Variants in RBM26 observed in about 807,000 individuals in gnomAD.
The protein encoded by RBM26 is RNA-binding protein 26.
RBM26 carries 30 observed loss-of-function variants against 123.6 expected under a neutral mutation model. The ratio of observed to expected loss-of-function variants is 0.24; its 90% CI spans 0.18 to 0.33. RBM26 has a LOEUF of 0.33. RBM26 is among the 10% of genes least tolerant of loss of function. The probability of loss-of-function intolerance (pLI) is 1.00; values close to 1 mark genes in which losing one functional copy is unlikely to be tolerated. For missense variants in RBM26, 947 were observed against 1,203.6 expected, an observed-to-expected ratio of 0.79 and a Z score of 3.15; for synonymous variants, 400 against 404.4, an observed-to-expected ratio of 0.99 and a Z score of 0.13.
In RBM26 at chr13:79,342,874, TATTATC is replaced by T. The variant is rs546211784; in HGVS notation, c.2260-49_2260-44del. On this transcript the variant is annotated intron_variant, in intron 16 of 21. Coordinates refer to ENST00000438737, the MANE Select transcript of RBM26 (RefSeq NM_001366735.2). The stretch of plus-strand genomic sequence containing the variant: ...AGAGAAAAATAAAGCTAATTACTCC[TATTATC>T]ATTAACAAAACAAACACTGCAAAGT... 474 of 1,227,688 alleles carry T rather than the reference TATTATC, an allele frequency of 3.9e-4. No homozygotes were observed. The African/African-American group carries it at 6.4e-3, about 17-fold the overall frequency. The allele number at this position is 1,227,688 out of a possible 1,614,324, so 76.0% of individuals were successfully genotyped here. A position where few individuals can be genotyped will look rare whatever the true frequency, so the allele number is the denominator to read the frequency against.
At chr13:79,362,430 C>T (rs1005443265) in intron 9 of RBM26, among the ~76,000 whole-genome samples, 1 of 152,142 alleles carries the variant, frequency 6.6e-6, no homozygotes, top group African/African-American at 2.4e-5. Flanking sequence ...AGCCTCTTAC[C>T]TCCCTCTACA....
chr13:79,370,574 T>C (rs927840928), intron 5 of RBM26, among the ~76,000 whole-genome samples: 1 of 152,230 alleles, frequency 6.6e-6, no homozygotes, highest in East Asian at 1.9e-4. Flanking sequence ...TGTGTGGACA[T>C]ACACTTTCAT....
At chr13:79,354,246 T>C (rs765424388) in intron 13 of RBM26, among the ~76,000 whole-genome samples, 193 bp downstream of exon 13, 15 of 150,442 alleles carry the variant, frequency 1.0e-4, no homozygotes, top group Non-Finnish European at 7.4e-5. Context: ...ATAGGAAAAG[T>C]AGAGACTGAG....
intron 3 of RBM26, among the ~76,000 whole-genome samples, chr13:79,375,635 A>C (rs2076610891): frequency 6.6e-6 from 1 of 152,146 alleles, no homozygotes; most frequent in African/African-American, 2.4e-5. Flanking sequence ...TAGGTATGAA[A>C]TAGGTTCAGT....
At chr13:79,341,265 T>TCCTTCTGCATCTAAAAAATAGTA in intron 17 of RBM26, 38 bp from the exon 18 acceptor site, 3 of 1,296,510 alleles carry the variant, frequency 2.3e-6, no homozygotes, top group South Asian at 1.2e-5. Context: ...TGACAGTAAT[T>TCCTTCTGCATCTAAAAAATAGTA]ACTATCCTGT....
At position 79,337,231 on chromosome 13, in the gene RBM26, A is replaced by G; in HGVS notation, c.2604T>C (p.His868=). The stretch of plus-strand genomic sequence containing the variant: ...CTCGCCCTCGCCCCCTGCCTCGGCC[A>G]TGAACTGCACCTCGACCTCTTGAAT... The part of the protein sequence containing the change: ...GIHSRGRGAV[H]GRGRGRGRGR... The change falls in exon 19 of 22, where the codon CAT becomes CAC. Residue 868 remains histidine (H), a synonymous_variant. Transcript: ENST00000438737. 1 of 1,614,154 alleles carries G rather than the reference A, an allele frequency of 6.2e-7. No individual in the cohort carries two copies. The highest frequency in any genetic ancestry group is 2.2e-5 in the East Asian group (1 of 44,874).
At chr13:79,315,396 G>T (rs1220922781), downstream of RBM26, among the ~76,000 whole-genome samples, 2 of 151,826 alleles carry the variant, frequency 1.3e-5, no homozygotes, top group African/African-American at 4.8e-5. Flanking sequence ...GTTTCCCAAA[G>T]ATTTCAAAGT....
exon 5 of RBM26, chr13:79,313,769 T>G (rs933613409): frequency 6.6e-6 from 1 of 151,608 alleles, no homozygotes; most frequent in Non-Finnish European, 1.5e-5. Flanking sequence ...AAACAGTTAA[T>G]TTACATTATG....
At chr13:79,312,889 A>T (rs2138197177) in exon 5 of RBM26, 1 of 152,088 alleles carries the variant, frequency 6.6e-6, no homozygotes, top group Non-Finnish European at 1.5e-5. Flanking sequence ...AAGGTTTTAT[A>T]GCACCAATGA....
intron 1 of RBM26, among the ~76,000 whole-genome samples, chr13:79,401,327 T>C (rs934608873): frequency 1.3e-5 from 2 of 152,218 alleles, no homozygotes; most frequent in African/African-American, 2.4e-5. Flanking sequence ...TAGTAGCCAA[T>C]ACTATCAAAA....
chr13:79,315,100 T>A, downstream of RBM26: 3 of 539,170 alleles, frequency 5.6e-6, no homozygotes, highest in South Asian at 5.3e-5. Context: ...ATTAAAAAAG[T>A]CTATTTGAGA....
chr13:79,342,327 T>C (rs1419627522), intron 17 of RBM26, among the ~76,000 whole-genome samples: 1 of 151,834 alleles, frequency 6.6e-6, no homozygotes, highest in East Asian at 1.9e-4. Context: ...CAGAATGTTA[T>C]TCATACTTGT....
chr13:79,337,103 G>A lies in RBM26; in HGVS notation c.2732C>T (p.Ala911Val), dbSNP rs184561719. 2.2e-5 allele frequency: 35 copies of A among 1,613,030 alleles called. No individual in the cohort carries two copies. The highest frequency in any genetic ancestry group is 1.8e-4 in the Admixed American group (11 of 59,912). The change falls in exon 19 of 22, where the codon GCG becomes GTG. Residue 911 changes from alanine to valine, a missense_variant and splice_region_variant. Ala to Val is a moderately conservative substitution (Grantham distance 64, BLOSUM62 0). Transcript: ENST00000438737. ...TTTTGTTGAGCAGTAAGAAAGTACCGCAAAATGAGGAAGAAGATCTTCTCT... is the reference window on the plus strand; with the variant it reads ...TTTTGTTGAGCAGTAAGAAAGTACCACAAAATGAGGAAGAAGATCTTCTCT... ...SDREDLLPHF[A>V]QYGEIEDCQI...
chr13:79,359,721 C>T, intron 9 of RBM26, 35 bp from the exon 10 acceptor site: 1 of 1,224,892 alleles, frequency 8.2e-7, no homozygotes, highest in Admixed American at 2.6e-5. Flanking sequence ...AAAAAATAAG[C>T]ATAGGTTAAT....
intron 20 of RBM26, among the ~76,000 whole-genome samples, chr13:79,332,614 C>T (rs2069618253): frequency 1.3e-5 from 2 of 152,120 alleles, no homozygotes; most frequent in Admixed American, 1.3e-4. Context: ...TTAAGTAAAT[C>T]CAACTAAAGC....
chr13:79,354,638 T>G lies in RBM26; in HGVS notation c.1855-68A>C, dbSNP rs1013910740. On this transcript the variant is annotated intron_variant, in intron 12 of 21. Coordinates refer to ENST00000438737, the MANE Select transcript of RBM26 (RefSeq NM_001366735.2). Reference sequence around the variant, plus strand: ...AAGGATGGAAAGTGACCTGTGTTATTTTGTTACTACATTGCCCATGCAGAG... The same window carrying G: ...AAGGATGGAAAGTGACCTGTGTTATGTTGTTACTACATTGCCCATGCAGAG... 4 of 1,388,676 alleles carry G rather than the reference T, an allele frequency of 2.9e-6. No homozygotes were observed. The African/African-American group carries it at 4.3e-5, about 15-fold the overall frequency. 86.0% of individuals were successfully genotyped at this position (1,388,676 alleles called of 1,614,324 possible). A position where few individuals can be genotyped will look rare whatever the true frequency, so the allele number is the denominator to read the frequency against.
intron 20 of RBM26, among the ~76,000 whole-genome samples, chr13:79,324,527 T>C (rs2068092953): frequency 6.6e-6 from 1 of 151,850 alleles, no homozygotes; most frequent in Non-Finnish European, 1.5e-5. Flanking sequence ...GGGCAAAATA[T>C]TTTCCCCGAT....
At chr13:79,326,656 T>TG (rs779428288) in intron 20 of RBM26, among the ~76,000 whole-genome samples, 39 of 152,292 alleles carry the variant, frequency 2.6e-4, no homozygotes, top group Middle Eastern at 3.4e-3. Context: ...CATTAGATAC[T>TG]GATAGTTTCA....
chr13:79,381,555 T>C lies in RBM26; in HGVS notation c.72-2648A>G, dbSNP rs1365516432. Among the ~76,000 whole-genome samples the C allele has an allele frequency of 2.6e-5, 4 of 152,054 alleles. No homozygotes were observed. In the East Asian group the frequency reaches 7.7e-4, roughly 29 times the overall value. On this transcript the variant is annotated intron_variant, in intron 1 of 21. Coordinates refer to ENST00000438737, the MANE Select transcript of RBM26 (RefSeq NM_001366735.2). ...TGAATTTTTAACTTATTAGTGGTTT[T>C]TCCAGTAACTTACCTGTCATTTTTC... is the stretch of plus-strand genomic sequence containing the variant.
Sources: allele counts gnomAD v4.1 joint callset (sites outside exome capture counted in the v4.1 genomes callset), GRCh38; gene constraint gnomAD v4.1.1; transcripts MANE v1.5; gene names NCBI Gene and HGNC (gene_info 2026-07-23, HGNC 2026-07-21).